The following PPP1R9A variants were observed in gnomAD, a reference collection of about 807,000 sequenced individuals.
The protein encoded by PPP1R9A is protein phosphatase 1 regulatory subunit 9A.
In PPP1R9A, 59 loss-of-function variants were observed where a neutral mutation model predicts 141.9. That is an observed-to-expected ratio of 0.42 (90% CI 0.34 to 0.52). The LOEUF (loss-of-function observed/expected upper bound fraction) is 0.52, where lower values mean the gene tolerates loss of function less well. Among genes scored for constraint, PPP1R9A ranks in the 20% least tolerant of loss-of-function variants. The pLI is 0.10. For synonymous variants in PPP1R9A, 500 were observed against 569.7 expected, an observed-to-expected ratio of 0.88 and a Z score of 1.74; for missense variants, 1,444 against 1,611.9, an observed-to-expected ratio of 0.90 and a Z score of 1.78.
chr7:95,050,079 A>G (rs145869744), intron 2 of PPP1R9A, among the ~76,000 whole-genome samples: 29 of 152,262 alleles, frequency 1.9e-4, no homozygotes, highest in African/African-American at 6.5e-4. Context: ...AAAATTGCCA[A>G]ACTGTCTTCC....
chr7:94,940,649 C>G (rs889249417), intron 2 of PPP1R9A, among the ~76,000 whole-genome samples: 10 of 151,932 alleles, frequency 6.6e-5, no homozygotes, highest in Non-Finnish European at 1.5e-4. Context: ...TCTTCAGAAT[C>G]CCTCTAAATG....
chr7:95,202,412 A>G (rs890436744), intron 6 of PPP1R9A, among the ~76,000 whole-genome samples: 1 of 152,114 alleles, frequency 6.6e-6, no homozygotes, highest in Non-Finnish European at 1.5e-5. Context: ...GGAGGATCCT[A>G]TTTAAGAAGA....
chr7:95,258,180 T>C (rs1385309839), intron 12 of PPP1R9A, among the ~76,000 whole-genome samples: 1 of 152,098 alleles, frequency 6.6e-6, no homozygotes, highest in Non-Finnish European at 1.5e-5. Flanking sequence ...CAGCACCTGT[T>C]GTTTCCTGAC....
intron 8 of PPP1R9A, among the ~76,000 whole-genome samples, chr7:95,245,008 GT>G (rs1299082433): frequency 6.6e-6 from 1 of 152,182 alleles, no homozygotes; most frequent in Non-Finnish European, 1.5e-5. Context: ...AGCAGTCTAA[GT>G]TAACTACTCT....
intron 12 of PPP1R9A, among the ~76,000 whole-genome samples, chr7:95,259,712 G>T (rs1800139197): frequency 6.6e-6 from 1 of 152,036 alleles, no homozygotes; most frequent in African/African-American, 2.4e-5. Flanking sequence ...AAGGTTAAAG[G>T]CATGATTAAA....
chr7:94,978,587 G>T (rs1799739889), intron 2 of PPP1R9A, among the ~76,000 whole-genome samples: 1 of 151,760 alleles, frequency 6.6e-6, no homozygotes, highest in Non-Finnish European at 1.5e-5. Flanking sequence ...TTTTTTGTGG[G>T]CTGCATTCAT....
Position 95,180,405 on chromosome 7 carries a change from A to G in PPP1R9A, c.1755-17944A>G, listed in dbSNP as rs535134224. Among the ~76,000 whole-genome samples, 13 of 151,848 alleles carry G rather than the reference A, an allele frequency of 8.6e-5. No homozygotes were observed. In the South Asian group the frequency reaches 2.5e-3, roughly 29 times the overall value. ...AGATGGATTAAGGACTTTAAGAGCC[A>G]AAAGTATAAGAATTCTAGAAAATAA... On this transcript the variant is annotated intron_variant, in intron 5 of 19. Coordinates refer to ENST00000433360, the MANE Select transcript of PPP1R9A (RefSeq NM_001166160.2).
intron 2 of PPP1R9A, among the ~76,000 whole-genome samples, chr7:94,928,678 T>G (rs561630836): frequency 6.6e-6 from 1 of 152,336 alleles, no homozygotes; most frequent in Admixed American, 6.5e-5. Context: ...TTATTTGTCT[T>G]TCTAAGTGTG....
chr7:95,004,254 T>G (rs2151550255), intron 2 of PPP1R9A, among the ~76,000 whole-genome samples: 1 of 152,204 alleles, frequency 6.6e-6, no homozygotes, highest in African/African-American at 2.4e-5. Flanking sequence ...AAAGCATTCC[T>G]TTGTGCTTTT....
At chr7:94,951,664 C>T (rs1796488435) in intron 2 of PPP1R9A, among the ~76,000 whole-genome samples, 3 of 151,760 alleles carry the variant, frequency 2.0e-5, no homozygotes, top group Non-Finnish European at 2.9e-5. Context: ...GTGAGATAGA[C>T]CCATAATTTT....
chr7:95,203,821 A>G (rs1790112061), intron 7 of PPP1R9A, 91 bp downstream of exon 7: 8 of 974,580 alleles, frequency 8.2e-6, no homozygotes, highest in Non-Finnish European at 1.2e-5. Flanking sequence ...AACTATCTGT[A>G]TGTTCTGAAG....
chr7:95,224,330 TGCTCCAC>T (rs1794850932), intron 7 of PPP1R9A, among the ~76,000 whole-genome samples: 1 of 152,134 alleles, frequency 6.6e-6, no homozygotes, highest in Non-Finnish European at 1.5e-5. Context: ...GGAAAATCAT[TGCTCCAC>T]ATGGAATATT....
chr7:94,998,645 T>G (rs1170750035), intron 2 of PPP1R9A, among the ~76,000 whole-genome samples: 2 of 152,218 alleles, frequency 1.3e-5, no homozygotes, highest in Non-Finnish European at 1.5e-5. Context: ...AATCTTGGAA[T>G]AGTTTATATT....
chr7:94,929,304 G>A (rs1793871229), intron 2 of PPP1R9A, among the ~76,000 whole-genome samples: 1 of 152,150 alleles, frequency 6.6e-6, no homozygotes. Flanking sequence ...ACTGAGAGTT[G>A]CATTGCAATA....
chr7:95,234,149 G>A (rs1796357969), intron 8 of PPP1R9A, among the ~76,000 whole-genome samples: 1 of 152,060 alleles, frequency 6.6e-6, no homozygotes, highest in Non-Finnish European at 1.5e-5. Flanking sequence ...TTCAGTACTT[G>A]CATTCAACAT....
intron 8 of PPP1R9A, among the ~76,000 whole-genome samples, chr7:95,236,066 A>G (rs1796635956): frequency 6.6e-6 from 1 of 152,190 alleles, no homozygotes; most frequent in South Asian, 2.1e-4. Flanking sequence ...TGGGTTTACC[A>G]AAACCTCAGA....
At chr7:95,034,945 A>G (rs1269336667) in intron 2 of PPP1R9A, among the ~76,000 whole-genome samples, 1 of 152,190 alleles carries the variant, frequency 6.6e-6, no homozygotes, top group Admixed American at 6.5e-5. Flanking sequence ...TTTGCACAAT[A>G]TCACAGGGCT....
intron 2 of PPP1R9A, among the ~76,000 whole-genome samples, chr7:94,924,101 T>C (rs567282319): frequency 6.6e-6 from 1 of 152,280 alleles, no homozygotes; most frequent in Non-Finnish European, 1.5e-5. Flanking sequence ...AGAGGCAACA[T>C]TAACAGACAA....
chr7:95,109,081 A>G (rs1279698437), intron 2 of PPP1R9A: 1 of 152,186 alleles, frequency 6.6e-6, no homozygotes, highest in Admixed American at 6.5e-5. Context: ...GGCATTTTCC[A>G]TTGCAGTACA....
Sources: allele counts gnomAD v4.1 joint callset (sites outside exome capture counted in the v4.1 genomes callset), GRCh38; gene constraint gnomAD v4.1.1; transcripts MANE v1.5; gene names NCBI Gene and HGNC (gene_info 2026-07-23, HGNC 2026-07-21).